The following PNPLA7 variants were observed in gnomAD, a reference collection of about 807,000 sequenced individuals.
PNPLA7 encodes the protein patatin like domain 7, lysophospholipase, also known as patatin-like phospholipase domain-containing protein 7.
PNPLA7 carries 153 observed loss-of-function variants against 161.7 expected under a neutral mutation model. The ratio of observed to expected loss-of-function variants is 0.95; its 90% CI spans 0.83 to 1.08. The LOEUF is 1.08. Ranked by LOEUF, PNPLA7 falls within the 50% of genes least tolerant of loss-of-function variation. The pLI is 0.00. For synonymous variants in PNPLA7, 809 were observed against 782.1 expected, an observed-to-expected ratio of 1.03 and a Z score of -0.57; for missense variants, 1,739 against 1,856.6, an observed-to-expected ratio of 0.94 and a Z score of 1.16.
At chr9:137,501,549 C>G (rs1833416766) in intron 15 of PNPLA7, 101 bp downstream of exon 15, 1 of 1,165,196 alleles carries the variant, frequency 8.6e-7, no homozygotes, top group Non-Finnish European at 1.2e-6. Context: ...TGGGAGGTCC[C>G]CAGTCACTGG....
intron 32 of PNPLA7, 127 bp from the exon 33 acceptor site, chr9:137,461,747 G>A: frequency 5.7e-6 from 7 of 1,227,622 alleles, no homozygotes; most frequent in Non-Finnish European, 7.9e-6. Context: ...CCCCAAGTAA[G>A]GGCAGGGACC....
intron 8 of PNPLA7, among the ~76,000 whole-genome samples, chr9:137,527,497 AT>A (rs1835363452): frequency 1.3e-5 from 2 of 152,192 alleles, no homozygotes; most frequent in African/African-American, 4.8e-5. Context: ...CTTTTTCTGC[AT>A]TTATTAAGGT....
At chr9:137,502,938 G>A (rs982869491) in intron 14 of PNPLA7, among the ~76,000 whole-genome samples, 1 of 151,874 alleles carries the variant, frequency 6.6e-6, no homozygotes, top group Non-Finnish European at 1.5e-5. Context: ...TCAAGGGGGG[G>A]CACCCGAACG....
intron 11 of PNPLA7, among the ~76,000 whole-genome samples, chr9:137,517,085 C>T (rs1164582254): frequency 6.8e-6 from 1 of 146,018 alleles, no homozygotes; most frequent in African/African-American, 2.6e-5. Flanking sequence ...TCACTCACTC[C>T]ACTCTGTCCA....
intron 4 of PNPLA7, among the ~76,000 whole-genome samples, chr9:137,544,569 C>T (rs749949604): frequency 1.6e-4 from 24 of 152,210 alleles, no homozygotes; most frequent in Non-Finnish European, 3.1e-4. Flanking sequence ...GCACTTAATG[C>T]GGATGAGAAC....
intron 12 of PNPLA7, among the ~76,000 whole-genome samples, chr9:137,510,357 C>CT (rs1834158001): frequency 6.6e-6 from 1 of 152,192 alleles, no homozygotes; most frequent in African/African-American, 2.4e-5. Flanking sequence ...ATGTTCCATC[C>CT]TGTACACCTG....
At chr9:137,546,991 C>T in intron 3 of PNPLA7, 82 bp from the exon 4 acceptor site, 1 of 1,336,944 alleles carries the variant, frequency 7.5e-7, no homozygotes, top group Non-Finnish European at 1.1e-6. Context: ...CACAGTCAGT[C>T]ATACTCTCGT....
Position 137,462,712 on chromosome 9 carries a change from G to A in PNPLA7, c.3465C>T (p.Arg1155=). 1.2e-6 allele frequency: 2 copies of A among 1,613,902 alleles called. No individual in the cohort carries two copies. Among genetic ancestry groups the A allele is most frequent in the Non-Finnish European group, 1.7e-6 (2 of 1,179,996 alleles). The change falls in exon 30 of 35, where the codon CGC becomes CGT. Residue 1155 remains arginine (R), a synonymous_variant. Coordinates refer to ENST00000406427, the MANE Select transcript of PNPLA7 (RefSeq NM_001098537.3). The part of the protein sequence containing the change: ...ALSGWWLLWK[R]WNPLATKVKV... ...TGACTTTCGTGGCCAAGGGGTTCCA[G>A]CGTTTCCACAGCAGCCACCACCCAG... is the stretch of plus-strand genomic sequence containing the variant.
At position 137,547,638 on chromosome 9, in the gene PNPLA7, C is replaced by A. The variant is rs201390415; in HGVS notation, c.52G>T (p.Ala18Ser). ...SPQADFCLGTALHSWGLWFTE... is the reference protein window; with the variant it reads ...SPQADFCLGTSLHSWGLWFTE... ...AACCACAGTCCCCAAGAGTGCAGGG[C>A]GGTGCCCAGGCAGAAGTCAGCCTGC... Residue 18 changes from alanine to serine, a missense_variant, in exon 2 of 35, where the codon GCC (alanine) becomes TCC (serine). Ala to Ser is a moderately conservative substitution (Grantham distance 99, BLOSUM62 1). Transcript: ENST00000406427. The surrounding 1 kb of genome is among the most constrained non-coding windows in gnomAD (Gnocchi z 4.6). 4.3e-6 allele frequency: 7 copies of A among 1,613,048 alleles called. No homozygotes were observed. The highest frequency in any genetic ancestry group is 1.3e-5 in the African/African-American group (1 of 75,040).
rs368372241 is a variant in PNPLA7 at position 137,478,934 on chromosome 9, C to T, written c.2763+122G>A. ...CGTGAGGCAGGGTCACGTTCACAAG[C>T]ACAGGAAGGGCCCAGGAGCGCAGGT... On this transcript the variant is annotated intron_variant, in intron 24 of 34. Transcript: ENST00000406427. 2.4e-5 allele frequency: 31 copies of T among 1,292,856 alleles called. 1 individual carries two copies. In the East Asian group the frequency reaches 5.5e-4, roughly 23 times the overall value. 80.1% of individuals were successfully genotyped at this position (1,292,856 alleles called of 1,614,324 possible).
At chr9:137,538,821 G>A (rs1480724035) in intron 8 of PNPLA7, among the ~76,000 whole-genome samples, 1 of 152,212 alleles carries the variant, frequency 6.6e-6, no homozygotes, top group Non-Finnish European at 1.5e-5. Flanking sequence ...GGAGGCTGAG[G>A]TAGGTGGCTC....
chr9:137,496,211 G>A (rs955595107), intron 18 of PNPLA7, among the ~76,000 whole-genome samples: 28 of 149,838 alleles, frequency 1.9e-4, no homozygotes, highest in Non-Finnish European at 3.6e-4. Context: ...AGGTTCAAGC[G>A]ATTCTCCTGC....
rs1054651663 is a variant in PNPLA7, at chr9:137,490,996, C to T, written c.2197+2017G>A. 2.4e-4 allele frequency among the ~76,000 whole-genome samples: 37 copies of T among 152,280 alleles called. No homozygotes were observed. The highest frequency in any genetic ancestry group is 8.2e-4 in the African/African-American group (34 of 41,554). ...ACAAGGATAAGTTAGGTATGGATAA[C>T]GTCATCGCTAGAGTAACCACTGAAA... On this transcript the variant is annotated intron_variant, in intron 20 of 34. Transcript: ENST00000406427. This position sits in a 1 kb window ranked among gnomAD's most constrained non-coding sequence, Gnocchi z 4.1.
intron 14 of PNPLA7, among the ~76,000 whole-genome samples, chr9:137,504,168 G>A (rs570336952): frequency 3.0e-4 from 44 of 147,836 alleles, no homozygotes; most frequent in Non-Finnish European, 3.7e-4. Context: ...AGAAGAAGAC[G>A]GAAGAAGAAG....
intron 6 of PNPLA7, 99 bp from the exon 7 acceptor site, chr9:137,542,900 C>T: frequency 7.4e-7 from 1 of 1,343,094 alleles, no homozygotes; most frequent in Non-Finnish European, 1.0e-6. Context: ...CCACTGGCGC[C>T]AGGCTTTGTG....
intron 18 of PNPLA7, 21 bp downstream of exon 18, chr9:137,497,166 G>T: frequency 6.5e-7 from 1 of 1,529,428 alleles, no homozygotes; most frequent in East Asian, 2.5e-5. Context: ...GGGGGAGGCA[G>T]GAGCAGGGCC....
chr9:137,540,998 C>A lies in PNPLA7; in HGVS notation c.667-276G>T. 2 of 412,858 alleles carry A rather than the reference C, an allele frequency of 4.8e-6. No homozygotes were observed. The highest frequency in any genetic ancestry group is 4.3e-5 in the East Asian group (1 of 23,290). The allele number at this position is 412,858 out of a possible 1,614,324, so 25.6% of individuals were successfully genotyped here. A position where few individuals can be genotyped will look rare whatever the true frequency, so the allele number is the denominator to read the frequency against. On this transcript the variant is annotated intron_variant, in intron 7 of 34. Transcript: ENST00000406427. This position sits in a 1 kb window ranked among gnomAD's most constrained non-coding sequence, Gnocchi z 5.1. ...TTCAATGTGGGGACTGAGGCAAAAG[C>A]TCGCAGAGCCTGTTTGTTTGCTGAG...
chr9:137,505,954 G>A (rs748957804), intron 13 of PNPLA7, 29 bp downstream of exon 13: 64 of 1,585,968 alleles, frequency 4.0e-5, no homozygotes, highest in East Asian at 2.1e-4. Flanking sequence ...GGCCCCAGGC[G>A]GAGGGTGAGA....
rs534076769 is a variant in PNPLA7, at chr9:137,504,897, G to C, written c.1473+717C>G. On this transcript the variant is annotated intron_variant, in intron 14 of 34. Transcript: ENST00000406427. ...ACGGCTGTCTTTTTACCTATTTAAA[G>C]CTTTCCATCAGCCGGGCGCCGTGGC... 2.5e-4 allele frequency among the ~76,000 whole-genome samples: 38 copies of C among 152,250 alleles called. No individual in the cohort carries two copies. The South Asian group carries it at 7.5e-3, about 30-fold the overall frequency.
Sources: gnomAD v4.1 joint callset for allele counts (sites outside exome capture counted in the v4.1 genomes callset) on GRCh38, gnomAD v4.1.1 for gene constraint, Gnocchi (gnomAD v3.1) non-coding constraint, MANE v1.5 for transcripts, NCBI Gene and HGNC (gene_info 2026-07-23, HGNC 2026-07-21) for gene names.